Variants in PSMD1 observed in about 807,000 individuals in gnomAD.
The protein encoded by PSMD1 is 26S proteasome non-ATPase regulatory subunit 1.
A neutral mutation model predicts 119.0 loss-of-function variants in PSMD1; 18 were observed. That is an observed-to-expected ratio of 0.15 (90% CI 0.10 to 0.22). The LOEUF is 0.22. Ranked by LOEUF, PSMD1 falls within the 10% of genes least tolerant of loss-of-function variation. PSMD1 has a pLI of 1.00. For missense variants in PSMD1, 702 were observed against 1,158.5 expected, an observed-to-expected ratio of 0.61 and a Z score of 5.72; for synonymous variants, 374 against 396.6, an observed-to-expected ratio of 0.94 and a Z score of 0.68.
chr2:231,149,633 C>A (rs992901790), intron 18 of PSMD1, among the ~76,000 whole-genome samples: 1 of 152,228 alleles, frequency 6.6e-6, no homozygotes, highest in Non-Finnish European at 1.5e-5. Flanking sequence ...CTTCTCCTAT[C>A]ATTGACAAGT....
chr2:231,153,300 C>T (rs904337749), intron 18 of PSMD1, among the ~76,000 whole-genome samples: 1 of 151,996 alleles, frequency 6.6e-6, no homozygotes, highest in African/African-American at 2.4e-5. Context: ...TGTATGAAAT[C>T]GCATTCAACA....
chr2:231,072,146 A>G (rs1299812461), intron 6 of PSMD1, 43 bp from the exon 7 acceptor site: 2 of 1,508,900 alleles, frequency 1.3e-6, no homozygotes, highest in Non-Finnish European at 9.2e-7. Flanking sequence ...CTTGTAGATG[A>G]AGTTTTTAAT....
At chr2:231,061,869 G>A (rs534998764) in intron 2 of PSMD1, among the ~76,000 whole-genome samples, 66 of 152,156 alleles carry the variant, frequency 4.3e-4, no homozygotes, top group East Asian at 3.1e-3. Context: ...CACACCTTCC[G>A]CTTCCCCCGC....
At chr2:231,081,255 C>T (rs569662700) in intron 12 of PSMD1, among the ~76,000 whole-genome samples, 13 of 151,856 alleles carry the variant, frequency 8.6e-5, no homozygotes, top group Admixed American at 2.6e-4. Flanking sequence ...CCTTATTTCC[C>T]CTGGTCTCAG....
At chr2:231,160,750 A>T (rs939156671) in intron 19 of PSMD1, among the ~76,000 whole-genome samples, 46 of 152,202 alleles carry the variant, frequency 3.0e-4, no homozygotes, top group African/African-American at 1.0e-3. Context: ...ACGCCTGCCT[A>T]TAGAGAAAGT....
intron 17 of PSMD1, among the ~76,000 whole-genome samples, chr2:231,144,152 G>A (rs1298566922): frequency 6.6e-6 from 1 of 152,008 alleles, no homozygotes; most frequent in Non-Finnish European, 1.5e-5. Flanking sequence ...TGAACTCTTG[G>A]GATCAAGTAG....
rs1209632242 is a variant in PSMD1 at position 231,170,431 on chromosome 2, G to A, written c.2716-135G>A. 37 of 918,066 alleles carry A rather than the reference G, an allele frequency of 4.0e-5. No homozygotes were observed. The highest frequency in any genetic ancestry group is 5.8e-5 in the Non-Finnish European group (37 of 641,862). The allele number at this position is 918,066 out of a possible 1,614,324, so 56.9% of individuals were successfully genotyped here. ...ATAGATCACAGTTATCTTTATCCCA[G>A]TAAAGTTCTACTCCAGTTTTTCACT... On this transcript the variant is annotated intron_variant, in intron 23 of 24. Transcript: ENST00000308696. This position sits in a 1 kb window ranked among gnomAD's most constrained non-coding sequence, Gnocchi z 4.1.
intron 16 of PSMD1, chr2:231,123,784 C>A: frequency 1.3e-6 from 2 of 1,565,520 alleles, no homozygotes; most frequent in South Asian, 1.1e-5. Context: ...TTCTGTGATT[C>A]AATCCCGTTC....
chr2:231,150,778 T>A (rs1005002678), intron 18 of PSMD1, among the ~76,000 whole-genome samples: 2 of 152,004 alleles, frequency 1.3e-5, no homozygotes, highest in Admixed American at 1.3e-4. Context: ...ATATTTGAAG[T>A]CATAAGCACA....
intron 2 of PSMD1, among the ~76,000 whole-genome samples, 199 bp downstream of exon 2, chr2:231,061,509 A>C (rs1693758342): frequency 6.6e-6 from 1 of 152,174 alleles, no homozygotes; most frequent in African/African-American, 2.4e-5. Flanking sequence ...TAAGACAAAT[A>C]AACCTCGTTA....
At position 231,138,796 on chromosome 2, in the gene PSMD1, G is replaced by A. The variant is rs141525864; in HGVS notation, c.1944G>A (p.Val648=). ...SLLSESYNPH[V]RYGAAMALGI... Reference sequence around the variant, plus strand: ...TGTCAGAGAGTTACAACCCTCATGTGCGCTACGGAGCTGCAATGGCCTTGG... The same window carrying A: ...TGTCAGAGAGTTACAACCCTCATGTACGCTACGGAGCTGCAATGGCCTTGG... Residue 648 remains valine (V), a synonymous_variant, in exon 17 of 25, where the codon GTG becomes GTA. Coordinates refer to ENST00000308696, the MANE Select transcript of PSMD1 (RefSeq NM_002807.4). 6.2e-7 allele frequency: 1 copy of A among 1,614,056 alleles called. No homozygotes were observed. The highest frequency in any genetic ancestry group is 8.5e-7 in the Non-Finnish European group (1 of 1,180,008).
At chr2:231,069,645 C>G (rs1293662117) in intron 5 of PSMD1, among the ~76,000 whole-genome samples, 3 of 152,112 alleles carry the variant, frequency 2.0e-5, no homozygotes, top group Non-Finnish European at 4.4e-5. Context: ...ATGAGGGAGT[C>G]TAGTAGCAAG....
chr2:231,119,483 TTGCTTCAA>T (rs1279246745), intron 16 of PSMD1, among the ~76,000 whole-genome samples: 1 of 152,182 alleles, frequency 6.6e-6, no homozygotes, highest in Non-Finnish European at 1.5e-5. Context: ...CTGGGATGTC[TTGCTTCAA>T]ACAGCCATCT....
intron 2 of PSMD1, 72 bp from the exon 3 acceptor site, chr2:231,062,176 G>A (rs1693776541): frequency 4.0e-6 from 4 of 990,088 alleles, no homozygotes; most frequent in Admixed American, 2.1e-5. Flanking sequence ...TCATTGATTT[G>A]CTGAAAAGAA....
At chr2:231,065,261 G>GTTTTTTGTTTTTTTGT (rs112352263) in intron 4 of PSMD1, among the ~76,000 whole-genome samples, 1 of 150,182 alleles carries the variant, frequency 6.7e-6, no homozygotes, top group African/African-American at 2.5e-5. Flanking sequence ...GGGTGACTGG[G>GTTTTTTGTTTTTTTGT]TTTTTTGTTT....
At chr2:231,127,600 T>C (rs184226827) in intron 16 of PSMD1, among the ~76,000 whole-genome samples, 389 of 152,332 alleles carry the variant, frequency 2.6e-3, no homozygotes, top group Non-Finnish European at 4.1e-3. Context: ...AGTGATCGCC[T>C]GCCTCAGCCT....
chr2:231,170,398 T>A lies in PSMD1; in HGVS notation c.2716-168T>A. 1 of 631,962 alleles carries A rather than the reference T, an allele frequency of 1.6e-6. No homozygotes were observed. Among genetic ancestry groups the A allele is most frequent in the Non-Finnish European group, 2.4e-6 (1 of 413,514 alleles). The allele number at this position is 631,962 out of a possible 1,614,324, so 39.1% of individuals were successfully genotyped here. A position where few individuals can be genotyped will look rare whatever the true frequency, so the allele number is the denominator to read the frequency against. ...AGAGCTACTGGGTTAAGTTTGCAAATACTTCGTATAGATCACAGTTATCTT... is the reference window on the plus strand; with the variant it reads ...AGAGCTACTGGGTTAAGTTTGCAAAAACTTCGTATAGATCACAGTTATCTT... On this transcript the variant is annotated intron_variant, in intron 23 of 24. Transcript: ENST00000308696. The surrounding 1 kb of genome is among the most constrained non-coding windows in gnomAD (Gnocchi z 4.1).
chr2:231,136,469 G>C (rs1284909183), intron 16 of PSMD1, among the ~76,000 whole-genome samples: 1 of 152,138 alleles, frequency 6.6e-6, no homozygotes, highest in African/African-American at 2.4e-5. Flanking sequence ...TATTTTATTG[G>C]TTTGAATTAC....
At chr2:231,079,441 A>C in intron 10 of PSMD1, 95 bp from the exon 11 acceptor site, 1 of 706,218 alleles carries the variant, frequency 1.4e-6, no homozygotes, top group Non-Finnish European at 2.3e-6. Flanking sequence ...GAAGGGTTCA[A>C]GGTAAAATTT....
Sources: allele counts gnomAD v4.1 joint callset (sites outside exome capture counted in the v4.1 genomes callset), GRCh38; gene constraint gnomAD v4.1.1; non-coding constraint Gnocchi (gnomAD v3.1); transcripts MANE v1.5; gene names NCBI Gene and HGNC (gene_info 2026-07-23, HGNC 2026-07-21).